UHRF2: variants seen among roughly 807,000 people sequenced by gnomAD.
UHRF2 encodes the protein ubiquitin like with PHD and ring finger domains 2, also known as E3 ubiquitin-protein ligase UHRF2.
In UHRF2, 23 loss-of-function variants were observed where a neutral mutation model predicts 96.8. The ratio of observed to expected loss-of-function variants is 0.24; its 90% CI spans 0.17 to 0.34. The LOEUF (loss-of-function observed/expected upper bound fraction) is 0.34, where lower values mean the gene tolerates loss of function less well. UHRF2 is among the 10% of genes least tolerant of loss of function. The probability of loss-of-function intolerance (pLI) is 1.00; values close to 1 mark genes in which losing one functional copy is unlikely to be tolerated. For synonymous variants in UHRF2, 385 were observed against 332.6 expected, an observed-to-expected ratio of 1.16 and a Z score of -1.72; for missense variants, 685 against 981.5, an observed-to-expected ratio of 0.70 and a Z score of 4.04.
chr9:6,493,745 A>G (rs1431826989), intron 9 of UHRF2, 81 bp from the exon 10 acceptor site: 9 of 1,220,020 alleles, frequency 7.4e-6, no homozygotes, highest in Non-Finnish European at 1.0e-5. Flanking sequence ...CATCCTAATG[A>G]AATGTTTTGA....
chr9:6,469,230 CAAAT>C (rs1823065458), intron 4 of UHRF2, among the ~76,000 whole-genome samples: 3 of 152,050 alleles, frequency 2.0e-5, no homozygotes, highest in Admixed American at 1.3e-4. Flanking sequence ...GATTTAATAA[CAAAT>C]AAGGGCCAGG....
At position 6,500,534 on chromosome 9, in the gene UHRF2, T is replaced by G; in HGVS notation, c.2006-18T>G. ...AACCACTTGTAAGTCTGCTGATACA[T>G]TTTTAAAATAAATCTAGATGACTGT... On this transcript the variant is annotated intron_variant, in intron 13 of 15. Transcript: ENST00000276893. 6.3e-7 allele frequency: 1 copy of G among 1,599,010 alleles called. No homozygotes were observed. The highest frequency in any genetic ancestry group is 8.5e-7 in the Non-Finnish European group (1 of 1,174,892).
intron 5 of UHRF2, 31 bp downstream of exon 5, chr9:6,475,531 C>T (rs1823514538): frequency 7.2e-7 from 1 of 1,386,400 alleles, no homozygotes; most frequent in Non-Finnish European, 1.0e-6. Context: ...TCTTAGACTA[C>T]ATGTGTTGTA....
At chr9:6,446,746 G>A (rs1444757422) in intron 3 of UHRF2, among the ~76,000 whole-genome samples, 5 of 151,930 alleles carry the variant, frequency 3.3e-5, no homozygotes, top group African/African-American at 4.8e-5. Context: ...TTGGGAGACT[G>A]AGGCAGGAGA....
intron 6 of UHRF2, 40 bp from the exon 7 acceptor site, chr9:6,481,603 G>A (rs1248009719): frequency 6.3e-7 from 1 of 1,599,672 alleles, no homozygotes; most frequent in Admixed American, 1.8e-5. Flanking sequence ...CTTTAATATG[G>A]TATTGTGAAA....
rs1159282104 is a variant in UHRF2 at position 6,497,041 on chromosome 9, G to A, written c.1605-157G>A. On this transcript the variant is annotated intron_variant, in intron 10 of 15. Transcript: ENST00000276893. The stretch of plus-strand genomic sequence containing the variant: ...AACTGATTTGTCTTCTCTGCTGGTG[G>A]GGGAAAGCATAATCCTATTATCTGG... 5.7e-6 allele frequency: 4 copies of A among 706,572 alleles called. No individual in the cohort carries two copies. The East Asian group carries it at 1.1e-4, about 20-fold the overall frequency. 43.8% of individuals were successfully genotyped at this position (706,572 alleles called of 1,614,324 possible).
chr9:6,505,307 A>G (rs1051734656), intron 15 of UHRF2, among the ~76,000 whole-genome samples: 2 of 151,966 alleles, frequency 1.3e-5, no homozygotes, highest in Non-Finnish European at 2.9e-5. Context: ...ATATATATAT[A>G]TATTTTTTGA....
intron 2 of UHRF2, chr9:6,422,761 C>A (rs746382414): frequency 9.0e-6 from 4 of 442,228 alleles, no homozygotes; most frequent in Admixed American, 4.0e-5. Flanking sequence ...GCGTGAGCCA[C>A]CATGCCCGGC....
chr9:6,450,350 C>G (rs895617338), intron 3 of UHRF2, among the ~76,000 whole-genome samples: 7 of 122,830 alleles, frequency 5.7e-5, no homozygotes, highest in South Asian at 5.7e-4. Flanking sequence ...TTGTCTTGTA[C>G]AATTTTCTCA....
chr9:6,439,638 T>C (rs1821045150), intron 3 of UHRF2, among the ~76,000 whole-genome samples: 1 of 152,244 alleles, frequency 6.6e-6, no homozygotes, highest in South Asian at 2.1e-4. Flanking sequence ...GTCCTTAACC[T>C]TGTTTTAGTA....
At chr9:6,429,880 T>C (rs558528396) in intron 2 of UHRF2, among the ~76,000 whole-genome samples, 90 of 152,330 alleles carry the variant, frequency 5.9e-4, no homozygotes, top group African/African-American at 2.0e-3. Context: ...GCAAAACAAA[T>C]GGTACCTAGC....
At chr9:6,431,626 A>G (rs764980382) in intron 2 of UHRF2, among the ~76,000 whole-genome samples, 2 of 152,198 alleles carry the variant, frequency 1.3e-5, no homozygotes, top group East Asian at 1.9e-4. Context: ...GGTTTACTAT[A>G]TTCAAAGAAT....
intron 8 of UHRF2, among the ~76,000 whole-genome samples, chr9:6,486,522 A>G (rs1563798521): frequency 6.6e-6 from 1 of 152,228 alleles, no homozygotes; most frequent in Non-Finnish European, 1.5e-5. Context: ...AATAGACATA[A>G]GATGATTATT....
At position 6,503,651 on chromosome 9, in the gene UHRF2, T is replaced by G. The variant is rs868398553; in HGVS notation, c.2164-942T>G. 1.3e-5 allele frequency among the ~76,000 whole-genome samples: 2 copies of G among 150,160 alleles called. 1 individual carries two copies. Among genetic ancestry groups the G allele is most frequent in the Middle Eastern group, 6.8e-3 (2 of 294 alleles). On this transcript the variant is annotated intron_variant, in intron 14 of 15. Transcript: ENST00000276893. ...TACTACAGAGTATTGTTTCCTAGTG[T>G]TTTTTTTTAAGCTCCTAAAGACAAA...
chr9:6,460,273 C>G (rs1348251729), intron 3 of UHRF2, among the ~76,000 whole-genome samples: 1 of 152,132 alleles, frequency 6.6e-6, no homozygotes, highest in African/African-American at 2.4e-5. Context: ...GATTGTGGTT[C>G]TTGAATGCGG....
At chr9:6,479,528 C>G (rs1015354499) in intron 6 of UHRF2, among the ~76,000 whole-genome samples, 3 of 152,084 alleles carry the variant, frequency 2.0e-5, no homozygotes, top group African/African-American at 7.2e-5. Context: ...TATGCTTGTT[C>G]CCTAGATGAT....
At chr9:6,439,795 C>T (rs1363868623) in intron 3 of UHRF2, among the ~76,000 whole-genome samples, 2 of 152,094 alleles carry the variant, frequency 1.3e-5, no homozygotes, top group African/African-American at 4.8e-5. Flanking sequence ...TGAGAACTAC[C>T]TCCCCTTACC....
intron 2 of UHRF2, among the ~76,000 whole-genome samples, chr9:6,424,990 A>G (rs1197010621): frequency 2.6e-5 from 4 of 152,142 alleles, no homozygotes; most frequent in African/African-American, 7.2e-5. Context: ...CATCAATGAT[A>G]ACATTAACAC....
rs891773369 is a variant in UHRF2 at position 6,481,313 on chromosome 9, T to C, written c.1161-330T>C. Reference sequence around the variant, plus strand: ...ATGTTCTAGGAAGATCTAGCTACTTTTGTTTTAATGACAGGAACTTCAAAT... The same window carrying C: ...ATGTTCTAGGAAGATCTAGCTACTTCTGTTTTAATGACAGGAACTTCAAAT... On this transcript the variant is annotated intron_variant, in intron 6 of 15. Transcript: ENST00000276893. 2.6e-4 allele frequency among the ~76,000 whole-genome samples: 39 copies of C among 152,310 alleles called. 1 individual carries two copies. Among genetic ancestry groups the C allele is most frequent in the African/African-American group, 9.1e-4 (38 of 41,572 alleles).
Sources: gnomAD v4.1 joint callset for allele counts (sites outside exome capture counted in the v4.1 genomes callset) on GRCh38, gnomAD v4.1.1 for gene constraint, MANE v1.5 for transcripts, NCBI Gene and HGNC (gene_info 2026-07-23, HGNC 2026-07-21) for gene names.